Variants in BMP5 observed in about 807,000 individuals in gnomAD.
The protein encoded by BMP5 is bone morphogenetic protein 5.
In BMP5, 23 loss-of-function variants were observed where a neutral mutation model predicts 46.6. The ratio of observed to expected loss-of-function variants is 0.49; its 90% CI spans 0.35 to 0.70. BMP5 has a LOEUF of 0.70. BMP5 is among the 30% of genes least tolerant of loss of function. The pLI is 0.00. For missense variants in BMP5, 545 were observed against 565.6 expected (o/e 0.96, Z 0.37); for synonymous variants, 204 against 191.9 (o/e 1.06, Z -0.52).
At chr6:55,780,544 C>T (rs1173099797) in intron 3 of BMP5, among the ~76,000 whole-genome samples, 1 of 149,764 alleles carries the variant, frequency 6.7e-6, no homozygotes, top group Non-Finnish European at 1.5e-5. Context: ...AGAAGAAATC[C>T]ATTTTTCTAT....
At chr6:55,791,352 A>G (rs1429899591) in intron 3 of BMP5, among the ~76,000 whole-genome samples, 2 of 152,252 alleles carry the variant, frequency 1.3e-5, no homozygotes, top group African/African-American at 4.8e-5. Context: ...AGTACTGCCT[A>G]AAAGCAAAAA....
intron 1 of BMP5, among the ~76,000 whole-genome samples, chr6:55,857,141 C>T (rs901758008): frequency 5.9e-5 from 9 of 152,078 alleles, no homozygotes; most frequent in South Asian, 2.1e-4. Context: ...TCATGCAGTC[C>T]TGATATACCT....
intron 2 of BMP5, among the ~76,000 whole-genome samples, chr6:55,795,818 A>G (rs923533753): frequency 3.3e-5 from 5 of 152,146 alleles, no homozygotes; most frequent in Admixed American, 3.3e-4. Flanking sequence ...AAGGATTGAA[A>G]CGCTTGCTTT....
At chr6:55,839,514 T>C (rs1357147644) in intron 1 of BMP5, among the ~76,000 whole-genome samples, 2 of 151,910 alleles carry the variant, frequency 1.3e-5, no homozygotes, top group Admixed American at 1.3e-4. Flanking sequence ...AGGCTCCCAA[T>C]ATGTTGCCCA....
At chr6:55,838,899 A>C (rs1311322249) in intron 1 of BMP5, among the ~76,000 whole-genome samples, 4 of 152,146 alleles carry the variant, frequency 2.6e-5, no homozygotes, top group African/African-American at 7.2e-5. Flanking sequence ...TTTGTTTTTT[A>C]ACAGAGCTCT....
intron 4 of BMP5, 89 bp downstream of exon 4, chr6:55,773,960 A>G: frequency 1.4e-6 from 2 of 1,397,900 alleles, no homozygotes; most frequent in Non-Finnish European, 2.0e-6. Flanking sequence ...GAAGGTATAC[A>G]TAGAGGGTAA....
chr6:55,843,547 T>C (rs1460659358), intron 1 of BMP5, among the ~76,000 whole-genome samples: 1 of 152,032 alleles, frequency 6.6e-6, no homozygotes, highest in Admixed American at 6.6e-5. Flanking sequence ...AAGCTGCCTT[T>C]ATCGCTAAAG....
intron 3 of BMP5, among the ~76,000 whole-genome samples, chr6:55,783,203 T>C (rs1340211378): frequency 6.6e-6 from 1 of 152,048 alleles, no homozygotes; most frequent in African/African-American, 2.4e-5. Context: ...CCTATTCCAC[T>C]CTAATTGAAA....
At chr6:55,786,761 C>A (rs547372071) in intron 3 of BMP5, among the ~76,000 whole-genome samples, 2 of 151,684 alleles carry the variant, frequency 1.3e-5, no homozygotes, top group South Asian at 4.1e-4. Context: ...TTCAGAACCT[C>A]CAGCAAGATA....
chr6:55,816,360 G>C (rs1398903535), intron 2 of BMP5, among the ~76,000 whole-genome samples: 1 of 151,834 alleles, frequency 6.6e-6, no homozygotes, highest in Non-Finnish European at 1.5e-5. Context: ...AGATAACTAT[G>C]AATAAAACAA....
chr6:55,812,660 TGAAAATACGAA>T (rs1776163379), intron 2 of BMP5, among the ~76,000 whole-genome samples: 1 of 152,176 alleles, frequency 6.6e-6, no homozygotes, highest in Admixed American at 6.5e-5. Flanking sequence ...TGAGTTTAAC[TGAAAATACGAA>T]GTAGATAAAA....
chr6:55,801,335 A>G (rs78422524), intron 2 of BMP5, among the ~76,000 whole-genome samples: 1,757 of 152,276 alleles, frequency 0.012, 34 homozygotes, highest in African/African-American at 0.039. Context: ...TTCAGATCCC[A>G]CTAATTCTCC....
intron 1 of BMP5, among the ~76,000 whole-genome samples, chr6:55,872,003 C>T (rs571365863): frequency 7.2e-5 from 11 of 151,794 alleles, no homozygotes; most frequent in East Asian, 3.9e-4. Flanking sequence ...TATTTGCTAA[C>T]GGATATTACA....
chr6:55,819,789 A>G lies in BMP5; in HGVS notation c.549T>C (p.Asp183=). The change falls in exon 2 of 7, where the codon GAT becomes GAC. Residue 183 remains aspartate, a synonymous_variant. Transcript: ENST00000370830. ...QRRHYKEFRF[D]LTQIPHGEAV... ...CCTCTCCATGAGGAATTTGGGTAAG[A>G]TCAAATCGAAATTCTTTGTAATGCC... 1 of 1,613,838 alleles carries G rather than the reference A, an allele frequency of 6.2e-7. No homozygotes were observed. Among genetic ancestry groups the G allele is most frequent in the Non-Finnish European group, 8.5e-7 (1 of 1,179,892 alleles).
At position 55,768,130 on chromosome 6, in the gene BMP5, G is replaced by A. The variant is rs925933176; in HGVS notation, c.1027+5919C>T. ...ATTATATAATATAAAACATTCGATG[G>A]AAATAACTTCAATTAATTATTTTCT... On this transcript the variant is annotated intron_variant, in intron 4 of 6. Coordinates refer to ENST00000370830, the MANE Select transcript of BMP5 (RefSeq NM_021073.4). Among the ~76,000 whole-genome samples, 4 of 151,854 alleles carry A rather than the reference G, an allele frequency of 2.6e-5. No individual in the cohort carries two copies. The South Asian group carries it at 8.3e-4, about 32-fold the overall frequency.
At chr6:55,810,344 G>GA (rs1241328683) in intron 2 of BMP5, among the ~76,000 whole-genome samples, 1 of 152,002 alleles carries the variant, frequency 6.6e-6, no homozygotes, top group South Asian at 2.1e-4. Flanking sequence ...TGGCAGAAAT[G>GA]AAAAAAAGTT....
At chr6:55,869,868 A>G (rs1777738484) in intron 1 of BMP5, among the ~76,000 whole-genome samples, 2 of 152,116 alleles carry the variant, frequency 1.3e-5, no homozygotes, top group South Asian at 4.1e-4. Flanking sequence ...AAAACAGGAG[A>G]GTGTACCTCA....
At chr6:55,836,499 G>A (rs7743744) in intron 1 of BMP5, among the ~76,000 whole-genome samples, 3,779 of 152,166 alleles carry the variant, frequency 0.025, 141 homozygotes, top group African/African-American at 0.086. Context: ...GCCAAGTTAT[G>A]TGATAAATCA....
intron 2 of BMP5, among the ~76,000 whole-genome samples, chr6:55,805,021 A>G (rs1023568788): frequency 6.6e-6 from 1 of 152,188 alleles, no homozygotes; most frequent in Non-Finnish European, 1.5e-5. Flanking sequence ...GCAAAATTTC[A>G]TTATAAATGA....
Sources: gnomAD v4.1 joint callset for allele counts (sites outside exome capture counted in the v4.1 genomes callset) on GRCh38, gnomAD v4.1.1 for gene constraint, MANE v1.5 for transcripts, NCBI Gene and HGNC (gene_info 2026-07-23, HGNC 2026-07-21) for gene names.